The following PTP4A3 variants were observed in gnomAD, a reference collection of about 807,000 sequenced individuals.
PTP4A3 encodes the protein protein tyrosine phosphatase 4A3, also known as protein tyrosine phosphatase type IVA 3.
In PTP4A3, 9 loss-of-function variants were observed where a neutral mutation model predicts 15.2. The ratio of observed to expected loss-of-function variants is 0.59; its 90% CI spans 0.36 to 1.03. PTP4A3 has a LOEUF of 1.03. PTP4A3 is among the 50% of genes least tolerant of loss of function. The probability of loss-of-function intolerance (pLI) is 0.02; values close to 1 mark genes in which losing one functional copy is unlikely to be tolerated. For missense variants in PTP4A3, 234 were observed against 252.1 expected (o/e 0.93, Z 0.49); for synonymous variants, 95 against 102.0 (o/e 0.93, Z 0.41).
chr8:141,408,608 ACT>A lies in PTP4A3; in HGVS notation c.-853-12777_-853-12776del, dbSNP rs532267151. On this transcript the variant is annotated intron_variant, in intron 1 of 5. Transcript: ENST00000521578. ...ACTCCAGCCTGGGTAACAGAGCGAG[ACT>A]CTGTCTGAAAAAAAAAAAAAAGACT... is the stretch of plus-strand genomic sequence containing the variant. Among the ~76,000 whole-genome samples the A allele has an allele frequency of 4.3e-3, 638 of 147,244 alleles. 8 individuals are homozygous for A. The highest frequency in any genetic ancestry group is 0.014 in the Middle Eastern group (4 of 286).
intron 1 of PTP4A3, among the ~76,000 whole-genome samples, chr8:141,419,635 G>A (rs1833235529): frequency 6.6e-6 from 1 of 151,250 alleles, no homozygotes; most frequent in South Asian, 2.1e-4. Context: ...GCAATGGAGC[G>A]ATCTCGGCTC....
At chr8:141,424,279 G>A (rs530046655) in intron 2 of PTP4A3, among the ~76,000 whole-genome samples, 28 of 152,274 alleles carry the variant, frequency 1.8e-4, no homozygotes, top group African/African-American at 6.7e-4. Flanking sequence ...GCCCCCGCAC[G>A]TGACCCCTGT....
chr8:141,411,961 T>C (rs1009930507), intron 1 of PTP4A3, among the ~76,000 whole-genome samples: 4 of 152,184 alleles, frequency 2.6e-5, no homozygotes, highest in African/African-American at 9.7e-5. Flanking sequence ...GGTTTACTCA[T>C]CCACAAAATG....
In PTP4A3 at chr8:141,425,198, G is replaced by GGGGGGGGGGGGGGGGGGGC; in HGVS notation, c.198+62_198+63insGGGGGGGGGGGGGGCGGGG. On this transcript the variant is annotated intron_variant, in intron 3 of 5. Coordinates refer to ENST00000521578, the MANE Select transcript of PTP4A3 (RefSeq NM_032611.3). The surrounding 1 kb of genome is among the most constrained non-coding windows in gnomAD (Gnocchi z 4.2). ...GCTGCCACCGGGGGAGGGTGGGGCGGGGGGCTCCGGGCCTGCGCAGAGGGT... is the reference window on the plus strand; with the variant it reads ...GCTGCCACCGGGGGAGGGTGGGGCGGGGGGGGGGGGGGGGGGGGCGGGGCTCCGGGCCTGCGCAGAGGGT... 1.1e-6 allele frequency: 1 copy of GGGGGGGGGGGGGGGGGGGC among 903,684 alleles called. No homozygotes were observed. The highest frequency in any genetic ancestry group is 2.5e-5 in the East Asian group (1 of 39,434). 56.0% of individuals were successfully genotyped at this position (903,684 alleles called of 1,614,324 possible). A position where few individuals can be genotyped will look rare whatever the true frequency, so the allele number is the denominator to read the frequency against.
rs76385392 is a variant in PTP4A3, at chr8:141,404,512, G to C, written c.-854+12428G>C. 1.0e-3 allele frequency among the ~76,000 whole-genome samples: 154 copies of C among 152,368 alleles called. 1 individual carries two copies. Among genetic ancestry groups the C allele is most frequent in the African/African-American group, 3.5e-3 (146 of 41,600 alleles). ...CTCTGCCAAGTTTGCTGTCATGCCAGGAACTAAGCCTTTCTCCTCGTGAGC... is the reference window on the plus strand; with the variant it reads ...CTCTGCCAAGTTTGCTGTCATGCCACGAACTAAGCCTTTCTCCTCGTGAGC... On this transcript the variant is annotated intron_variant, in intron 1 of 5. Transcript: ENST00000521578.
chr8:141,419,561 C>T (rs1833227782), intron 1 of PTP4A3, among the ~76,000 whole-genome samples: 1 of 146,802 alleles, frequency 6.8e-6, no homozygotes, highest in African/African-American at 2.6e-5. Flanking sequence ...GGGGTCCCAC[C>T]CCACCACCGG....
At chr8:141,401,141 C>G (rs1349057021) in intron 1 of PTP4A3, among the ~76,000 whole-genome samples, 1 of 152,182 alleles carries the variant, frequency 6.6e-6, no homozygotes, top group African/African-American at 2.4e-5. Context: ...TCAGGGTCCC[C>G]TGGTGGCAGC....
chr8:141,405,345 C>T (rs1485719348), intron 1 of PTP4A3, among the ~76,000 whole-genome samples: 1 of 152,180 alleles, frequency 6.6e-6, no homozygotes, highest in African/African-American at 2.4e-5. Flanking sequence ...TTTGGCTAGA[C>T]ACCCAGCAGA....
intron 1 of PTP4A3, among the ~76,000 whole-genome samples, chr8:141,415,928 C>G (rs2130003957): frequency 1.3e-5 from 2 of 151,970 alleles, no homozygotes; most frequent in South Asian, 2.1e-4. Context: ...CTCCTGGCCC[C>G]CCTAGCAATG....
intron 1 of PTP4A3, among the ~76,000 whole-genome samples, chr8:141,401,758 G>A (rs1832595761): frequency 6.6e-6 from 1 of 152,216 alleles, no homozygotes; most frequent in African/African-American, 2.4e-5. Flanking sequence ...CGGGGGCAGG[G>A]AGCTCAGAGA....
chr8:141,401,739 G>A (rs1313714188), intron 1 of PTP4A3, among the ~76,000 whole-genome samples: 2 of 152,220 alleles, frequency 1.3e-5, no homozygotes, highest in Non-Finnish European at 2.9e-5. Context: ...GGAGTCCCAG[G>A]ATAGCATGCG....
rs1426423987 is a variant in PTP4A3 at position 141,398,847 on chromosome 8, T to TA, written c.-854+6764dup. On this transcript the variant is annotated intron_variant, in intron 1 of 5. Transcript: ENST00000521578. The stretch of plus-strand genomic sequence containing the variant: ...CACTCTGTCTAGCTCTACCACCCCC[T>TA]AGTCCCTCTGGGGAGCTGCAGGAGC... Among the ~76,000 whole-genome samples, 3 of 152,134 alleles carry TA rather than the reference T, an allele frequency of 2.0e-5. No individual in the cohort carries two copies. The East Asian group carries it at 5.8e-4, about 29-fold the overall frequency.
chr8:141,430,774 G>C (rs1480172301), intron 5 of PTP4A3, among the ~76,000 whole-genome samples, 153 bp from the exon 6 acceptor site: 1 of 152,176 alleles, frequency 6.6e-6, no homozygotes, highest in East Asian at 1.9e-4. Flanking sequence ...GACTCTGGGA[G>C]CAGCCGTGCC....
chr8:141,397,582 T>C (rs1832483546), intron 1 of PTP4A3, among the ~76,000 whole-genome samples: 1 of 152,052 alleles, frequency 6.6e-6, no homozygotes, highest in African/African-American at 2.4e-5. Context: ...GAAGGTGGGG[T>C]GCACGTCCCC....
intron 5 of PTP4A3, among the ~76,000 whole-genome samples, chr8:141,428,301 G>A (rs948805833): frequency 2.9e-4 from 15 of 52,200 alleles, no homozygotes; most frequent in African/African-American, 9.8e-4. Flanking sequence ...GCCCCTCCCC[G>A]CCCTCCTTAG....
At position 141,430,941 on chromosome 8, in the gene PTP4A3, C is replaced by T. The variant is rs1368986277; in HGVS notation, c.419C>T (p.Ala140Val). Reference sequence around the variant, plus strand: ...CCTCTTCCCAGGAAGCGCCGCGGAGCCATCAACAGCAAGCAGCTCACCTAC... The same window carrying T: ...CCTCTTCCCAGGAAGCGCCGCGGAGTCATCAACAGCAAGCAGCTCACCTAC... ...IQFIRQKRRGAINSKQLTYLE... is the reference protein window; with the variant it reads ...IQFIRQKRRGVINSKQLTYLE... Residue 140 changes from alanine (A) to valine (V), a missense_variant, in exon 6 of 6, where the codon GCC becomes GTC. Coordinates refer to ENST00000521578, the MANE Select transcript of PTP4A3 (RefSeq NM_032611.3). 2 of 1,613,128 alleles carry T rather than the reference C, an allele frequency of 1.2e-6. No individual in the cohort carries two copies. Among genetic ancestry groups the T allele is most frequent in the Non-Finnish European group, 1.7e-6 (2 of 1,179,966 alleles).
intron 1 of PTP4A3, among the ~76,000 whole-genome samples, chr8:141,415,111 C>T (rs1430199116): frequency 4.6e-5 from 7 of 152,116 alleles, no homozygotes; most frequent in African/African-American, 1.7e-4. Context: ...AAGTGAGGGC[C>T]TGCTGAGCCC....
chr8:141,424,991 C>T (rs1393193488), intron 2 of PTP4A3, 57 bp from the exon 3 acceptor site: 2 of 1,448,738 alleles, frequency 1.4e-6, no homozygotes, highest in Admixed American at 3.5e-5. Context: ...GTGGGTCCTG[C>T]CCCCTGAGCC....
At chr8:141,419,198 C>T (rs530036702) in intron 1 of PTP4A3, among the ~76,000 whole-genome samples, 1 of 152,288 alleles carries the variant, frequency 6.6e-6, no homozygotes, top group East Asian at 1.9e-4. Flanking sequence ...CCCTGAGGAC[C>T]TGTGCAGGGC....
Sources: allele counts gnomAD v4.1 joint callset (sites outside exome capture counted in the v4.1 genomes callset), GRCh38; gene constraint gnomAD v4.1.1; non-coding constraint Gnocchi (gnomAD v3.1); transcripts MANE v1.5; gene names NCBI Gene and HGNC (gene_info 2026-07-23, HGNC 2026-07-21).